Variants in FBXL20 observed in about 807,000 individuals in gnomAD.
FBXL20 encodes the protein F-box and leucine rich repeat protein 20, also known as F-box/LRR-repeat protein 20.
FBXL20 carries 11 observed loss-of-function variants against 64.0 expected under a neutral mutation model. The observed-to-expected ratio is 0.17, with a 90% confidence interval of 0.11 to 0.28. FBXL20 has a LOEUF of 0.28. Ranked by LOEUF, FBXL20 falls within the 10% of genes least tolerant of loss-of-function variation. FBXL20 has a pLI of 1.00. For missense variants in FBXL20, 303 were observed against 526.2 expected (o/e 0.58, Z 4.15); for synonymous variants, 184 against 189.0 (o/e 0.97, Z 0.22).
intron 10 of FBXL20, among the ~76,000 whole-genome samples, chr17:39,271,905 G>A (rs1320264904): frequency 2.0e-5 from 3 of 152,072 alleles, no homozygotes; most frequent in Non-Finnish European, 4.4e-5. Context: ...TACTGAAGTT[G>A]AAAAAAATTG....
intron 6 of FBXL20, among the ~76,000 whole-genome samples, chr17:39,293,830 ATT>A (rs11376729): frequency 2.0e-5 from 3 of 146,600 alleles, no homozygotes; most frequent in African/African-American, 5.0e-5. Flanking sequence ...TGTAGCCTTT[ATT>A]TTTTTTTTTT....
rs767354255 is a variant in FBXL20, at chr17:39,401,427, C to G, written c.-25G>C. The stretch of plus-strand genomic sequence containing the variant: ...TGGGGCCGGCGGGTGCGGCCCGGGC[C>G]GGGCGCTGCGGCGAGCGGAGTGCAC... On this transcript the variant is annotated 5_prime_UTR_variant, in exon 1 of 15. Transcript: ENST00000264658. 4 of 1,580,168 alleles carry G rather than the reference C, an allele frequency of 2.5e-6. No individual in the cohort carries two copies. The highest frequency in any genetic ancestry group is 2.6e-6 in the Non-Finnish European group (3 of 1,164,764).
chr17:39,396,354 G>A (rs80053545), intron 1 of FBXL20, among the ~76,000 whole-genome samples: 5 of 152,128 alleles, frequency 3.3e-5, no homozygotes, highest in African/African-American at 9.6e-5. Context: ...CCAGCACTTC[G>A]GGAGGCTGAG....
intron 1 of FBXL20, among the ~76,000 whole-genome samples, chr17:39,372,776 C>T (rs1360596744): frequency 1.3e-5 from 2 of 151,416 alleles, no homozygotes; most frequent in Non-Finnish European, 2.9e-5. Flanking sequence ...CAGGTGTGTG[C>T]TACCACACCT....
intron 2 of FBXL20, among the ~76,000 whole-genome samples, chr17:39,333,491 G>A (rs1219837239): frequency 3.9e-5 from 6 of 152,158 alleles, no homozygotes; most frequent in South Asian, 2.1e-4. Context: ...ATCTCGGCTC[G>A]CTACAACCTC....
chr17:39,315,393 T>TTATATATATATATATATA (rs59563317), intron 2 of FBXL20, among the ~76,000 whole-genome samples: 3,644 of 133,928 alleles, frequency 0.027, 74 homozygotes, highest in Non-Finnish European at 0.042. Flanking sequence ...TTTAAATAAT[T>TTATATATATATATATATA]TATATATATA....
intron 2 of FBXL20, among the ~76,000 whole-genome samples, chr17:39,330,925 A>T (rs930157956): frequency 6.6e-6 from 1 of 152,222 alleles, no homozygotes; most frequent in Admixed American, 6.5e-5. Context: ...TTAATTTGCC[A>T]GGCAAGCCTT....
intron 1 of FBXL20, among the ~76,000 whole-genome samples, chr17:39,366,784 T>C (rs181896498): frequency 3.8e-4 from 57 of 149,538 alleles, no homozygotes; most frequent in Admixed American, 1.3e-3. Flanking sequence ...ATGTAACCTC[T>C]AGTTACTTTT....
chr17:39,387,028 TTAAGA>T (rs2048087822), intron 1 of FBXL20, among the ~76,000 whole-genome samples: 1 of 152,082 alleles, frequency 6.6e-6, no homozygotes, highest in Admixed American at 6.6e-5. Context: ...ATGGTTTAAC[TTAAGA>T]TTTTTTGACG....
chr17:39,384,231 T>C (rs2048055095), intron 1 of FBXL20, among the ~76,000 whole-genome samples: 1 of 151,898 alleles, frequency 6.6e-6, no homozygotes, highest in Non-Finnish European at 1.5e-5. Flanking sequence ...GAAACCCTCC[T>C]CAAAAAAATA....
chr17:39,300,154 T>A (rs1235721049), intron 4 of FBXL20, among the ~76,000 whole-genome samples: 2 of 152,168 alleles, frequency 1.3e-5, no homozygotes, highest in Non-Finnish European at 2.9e-5. Context: ...TTGCTTTAAA[T>A]ATTTACATCC....
At chr17:39,318,698 C>CCA (rs1303088468) in intron 2 of FBXL20, among the ~76,000 whole-genome samples, 1 of 151,936 alleles carries the variant, frequency 6.6e-6, no homozygotes, top group Non-Finnish European at 1.5e-5. Flanking sequence ...CGAGATCATG[C>CCA]CACTGCACTC....
intron 5 of FBXL20, 160 bp from the exon 6 acceptor site, chr17:39,297,355 T>C: frequency 2.3e-6 from 1 of 441,286 alleles, no homozygotes; most frequent in Non-Finnish European, 4.1e-6. Flanking sequence ...CTTCGGTTCT[T>C]GGCATACCAT....
intron 6 of FBXL20, among the ~76,000 whole-genome samples, chr17:39,289,611 T>C (rs2047019107): frequency 6.6e-6 from 1 of 151,838 alleles, no homozygotes; most frequent in African/African-American, 2.4e-5. Context: ...GTGCCACCAC[T>C]GCATTCCAGC....
At chr17:39,303,456 G>T in intron 3 of FBXL20, 129 bp downstream of exon 3, 1 of 701,180 alleles carries the variant, frequency 1.4e-6, no homozygotes, top group Non-Finnish European at 2.3e-6. Flanking sequence ...TATGTCATTG[G>T]TGAAATAATC....
intron 1 of FBXL20, among the ~76,000 whole-genome samples, chr17:39,348,779 A>T (rs1424537928): frequency 6.6e-6 from 1 of 152,182 alleles, no homozygotes; most frequent in African/African-American, 2.4e-5. Flanking sequence ...AGACCACTGC[A>T]GCCTTGACCT....
At chr17:39,306,777 C>T (rs968179616) in intron 2 of FBXL20, among the ~76,000 whole-genome samples, 2 of 152,220 alleles carry the variant, frequency 1.3e-5, no homozygotes, top group Non-Finnish European at 2.9e-5. Flanking sequence ...TTTACTTCCT[C>T]TAACAGATTT....
Position 39,300,484 on chromosome 17 carries a change from A to G in FBXL20, c.234+517T>C, listed in dbSNP as rs1005803153. On this transcript the variant is annotated intron_variant, in intron 4 of 14. Coordinates refer to ENST00000264658, the MANE Select transcript of FBXL20 (RefSeq NM_032875.3). ...TAGATAATAGGCTATACTAGGAGAT[A>G]AAACATGGGGCAAAAAGTGAGAGGA... is the stretch of plus-strand genomic sequence containing the variant. 2.0e-5 allele frequency among the ~76,000 whole-genome samples: 3 copies of G among 152,332 alleles called. No homozygotes were observed. In the East Asian group the frequency reaches 5.8e-4, roughly 29 times the overall value.
At chr17:39,265,327 G>A in intron 13 of FBXL20, 70 bp downstream of exon 13, 2 of 1,238,936 alleles carry the variant, frequency 1.6e-6, no homozygotes, top group Non-Finnish European at 1.2e-6. Context: ...TAAGAGCTGG[G>A]TTCTTGAACT....
Sources: gnomAD v4.1 joint callset for allele counts (sites outside exome capture counted in the v4.1 genomes callset) on GRCh38, gnomAD v4.1.1 for gene constraint, MANE v1.5 for transcripts, NCBI Gene and HGNC (gene_info 2026-07-23, HGNC 2026-07-21) for gene names.